The following ELOVL5 variants were observed in gnomAD, a reference collection of about 807,000 sequenced individuals.
ELOVL5 encodes ELOVL fatty acid elongase 5.
A neutral mutation model predicts 38.6 loss-of-function variants in ELOVL5; 8 were observed. The ratio of observed to expected loss-of-function variants is 0.21; its 90% CI spans 0.12 to 0.37. The LOEUF is 0.37. Ranked by LOEUF, ELOVL5 falls within the 10% of genes least tolerant of loss-of-function variation. The probability of loss-of-function intolerance (pLI) is 1.00; values close to 1 mark genes in which losing one functional copy is unlikely to be tolerated. For synonymous variants in ELOVL5, 127 were observed against 133.7 expected, an observed-to-expected ratio of 0.95 and a Z score of 0.34; for missense variants, 280 against 367.8, an observed-to-expected ratio of 0.76 and a Z score of 1.95.
At chr6:53,295,785 AT>A (rs1766971653) in intron 1 of ELOVL5, 78 bp from the exon 2 acceptor site, 2 of 912,992 alleles carry the variant, frequency 2.2e-6, no homozygotes, top group South Asian at 3.3e-5. Flanking sequence ...AAAAGAATAA[AT>A]TCTTTTCAAA....
intron 1 of ELOVL5, among the ~76,000 whole-genome samples, chr6:53,304,124 T>C (rs1405032779): frequency 6.6e-6 from 1 of 152,236 alleles, no homozygotes; most frequent in African/African-American, 2.4e-5. Context: ...CTCCAATCTG[T>C]CCTATGAGTA....
At chr6:53,332,167 G>A (rs1581990896) in intron 1 of ELOVL5, among the ~76,000 whole-genome samples, 1 of 152,278 alleles carries the variant, frequency 6.6e-6, no homozygotes, top group South Asian at 2.1e-4. Flanking sequence ...GAGATTTGGA[G>A]GGGACAAACA....
chr6:53,276,519 G>A (rs1254335426), intron 3 of ELOVL5, among the ~76,000 whole-genome samples: 1 of 152,166 alleles, frequency 6.6e-6, no homozygotes, highest in Non-Finnish European at 1.5e-5. Context: ...CTTCTCTGCA[G>A]AACCCTCAGC....
At chr6:53,342,753 A>G (rs1330615830) in intron 1 of ELOVL5, among the ~76,000 whole-genome samples, 2 of 152,366 alleles carry the variant, frequency 1.3e-5, no homozygotes, top group African/African-American at 2.4e-5. Flanking sequence ...GCCAGCAGAC[A>G]TCAAATAAAA....
intron 7 of ELOVL5, 63 bp from the exon 8 acceptor site, chr6:53,269,333 T>G: frequency 7.3e-7 from 1 of 1,374,842 alleles, no homozygotes; most frequent in Non-Finnish European, 9.8e-7. Flanking sequence ...GGAACTTTAC[T>G]GAGAATTGCA....
At chr6:53,320,388 G>A (rs1768251208) in intron 1 of ELOVL5, among the ~76,000 whole-genome samples, 1 of 151,852 alleles carries the variant, frequency 6.6e-6, no homozygotes, top group African/African-American at 2.4e-5. Context: ...CCAGGCTGGA[G>A]TGCAGTGGCG....
intron 1 of ELOVL5, among the ~76,000 whole-genome samples, chr6:53,298,423 T>G (rs1176990108): frequency 6.6e-6 from 1 of 152,232 alleles, no homozygotes; most frequent in Non-Finnish European, 1.5e-5. Context: ...AATCAGGTAT[T>G]AAGCATGAAC....
chr6:53,294,422 T>C (rs1766909497), intron 2 of ELOVL5: 1 of 1,550,856 alleles, frequency 6.4e-7, no homozygotes, highest in East Asian at 2.4e-5. Flanking sequence ...ATGTGCTGCT[T>C]GGAGCTGCTG....
intron 1 of ELOVL5, among the ~76,000 whole-genome samples, chr6:53,341,339 C>T (rs1348969635): frequency 6.6e-6 from 1 of 152,152 alleles, no homozygotes; most frequent in Non-Finnish European, 1.5e-5. Flanking sequence ...AGAAACTCAA[C>T]CTTGTTTCCT....
chr6:53,273,555 C>A (rs1766003290), intron 5 of ELOVL5, among the ~76,000 whole-genome samples: 1 of 152,214 alleles, frequency 6.6e-6, no homozygotes, highest in Admixed American at 6.5e-5. Flanking sequence ...AGGCTCCGAG[C>A]CCAGGGGTCA....
chr6:53,272,497 A>G (rs576753522), intron 6 of ELOVL5, among the ~76,000 whole-genome samples: 33 of 152,358 alleles, frequency 2.2e-4, no homozygotes, highest in African/African-American at 7.2e-4. Flanking sequence ...TGTACTTAGT[A>G]TGAGTACCCA....
intron 3 of ELOVL5, among the ~76,000 whole-genome samples, chr6:53,281,698 C>CA (rs1287053867): frequency 2.6e-5 from 4 of 152,214 alleles, no homozygotes; most frequent in Middle Eastern, 3.4e-3. Context: ...TTTAGTTGGC[C>CA]AATTTTCGCA....
At chr6:53,310,031 C>T (rs1767765852) in intron 1 of ELOVL5, among the ~76,000 whole-genome samples, 1 of 152,166 alleles carries the variant, frequency 6.6e-6, no homozygotes, top group Admixed American at 6.5e-5. Context: ...TAGAAATTAA[C>T]AAGGTCAGTG....
intron 3 of ELOVL5, among the ~76,000 whole-genome samples, chr6:53,288,625 C>T (rs557926953): frequency 3.3e-5 from 5 of 152,312 alleles, no homozygotes; most frequent in African/African-American, 1.2e-4. Context: ...ACCAAGTACA[C>T]AAACTATGAG....
In ELOVL5 at chr6:53,268,890, C is replaced by T. The variant is rs1765823196; in HGVS notation, c.*237G>A. On this transcript the variant is annotated 3_prime_UTR_variant, in exon 8 of 8. Coordinates refer to ENST00000304434, the MANE Select transcript of ELOVL5 (RefSeq NM_021814.5). ...AGCAGTGTTGTATACTATAATAATA[C>T]TCCCTTTCCACAGTCTAGCGCAGGG... 3 of 396,358 alleles carry T rather than the reference C, an allele frequency of 7.6e-6. No individual in the cohort carries two copies. The East Asian group carries it at 1.2e-4, about 16-fold the overall frequency. The allele number at this position is 396,358 out of a possible 1,614,324, so 24.6% of individuals were successfully genotyped here. A position where few individuals can be genotyped will look rare whatever the true frequency, so the allele number is the denominator to read the frequency against.
At chr6:53,328,146 T>A (rs570995163) in intron 1 of ELOVL5, among the ~76,000 whole-genome samples, 27 of 152,324 alleles carry the variant, frequency 1.8e-4, no homozygotes, top group African/African-American at 6.5e-4. Flanking sequence ...CCAGATACCT[T>A]TGGCATTGCA....
chr6:53,293,717 T>C (rs949209846), intron 2 of ELOVL5, among the ~76,000 whole-genome samples: 27 of 152,136 alleles, frequency 1.8e-4, no homozygotes, highest in African/African-American at 6.3e-4. Context: ...CAATAAAGCA[T>C]ATGTCCACGT....
At chr6:53,270,822 G>C in intron 6 of ELOVL5, 95 bp from the exon 7 acceptor site, 1 of 1,431,868 alleles carries the variant, frequency 7.0e-7, no homozygotes, top group Non-Finnish European at 9.6e-7. Context: ...CTAAATTTCT[G>C]AATTAACACT....
intron 7 of ELOVL5, 131 bp downstream of exon 7, chr6:53,270,462 G>T: frequency 1.0e-6 from 1 of 958,158 alleles, no homozygotes; most frequent in Non-Finnish European, 1.6e-6. Flanking sequence ...GGCTGCTCTT[G>T]TCATAGTGAC....
Sources: allele counts gnomAD v4.1 joint callset (sites outside exome capture counted in the v4.1 genomes callset), GRCh38; gene constraint gnomAD v4.1.1; transcripts MANE v1.5; gene names NCBI Gene and HGNC (gene_info 2026-07-23, HGNC 2026-07-21).